NUMB: variants seen among roughly 807,000 people sequenced by gnomAD.
NUMB encodes the protein NUMB endocytic adaptor protein.
NUMB carries 29 observed loss-of-function variants against 59.7 expected under a neutral mutation model. The ratio of observed to expected loss-of-function variants is 0.49; its 90% CI spans 0.36 to 0.66. The LOEUF (loss-of-function observed/expected upper bound fraction) is 0.66, where lower values mean the gene tolerates loss of function less well. NUMB is among the 30% of genes least tolerant of loss of function. The pLI, the probability that NUMB is intolerant of heterozygous loss-of-function variation, is 0.00. For synonymous variants in NUMB, 288 were observed against 288.2 expected (o/e 1.00, Z 0.01); for missense variants, 723 against 822.0 (o/e 0.88, Z 1.47).
intron 1 of NUMB, among the ~76,000 whole-genome samples, chr14:73,411,603 A>G (rs1242265608): frequency 3.3e-5 from 5 of 152,252 alleles, no homozygotes; most frequent in Non-Finnish European, 7.3e-5. Context: ...GCTGAAGGTC[A>G]TAACTAAGTT....
At chr14:73,418,597 C>A (rs1488010064) in intron 1 of NUMB, among the ~76,000 whole-genome samples, 2 of 151,874 alleles carry the variant, frequency 1.3e-5, no homozygotes. Flanking sequence ...CATGGAGAAA[C>A]CCCGTCTCTA....
chr14:73,286,549 C>A (rs1889015448), intron 9 of NUMB: 1 of 154,816 alleles, frequency 6.5e-6, no homozygotes, highest in Non-Finnish European at 1.4e-5. Flanking sequence ...AAATAAAACT[C>A]ACACTCTATA....
At chr14:73,435,335 G>A (rs1369732074) in intron 1 of NUMB, among the ~76,000 whole-genome samples, 1 of 147,334 alleles carries the variant, frequency 6.8e-6, no homozygotes, top group Non-Finnish European at 1.5e-5. Context: ...GTGCAGTGGC[G>A]CGATCTCGAC....
At chr14:73,429,091 G>A (rs1271598701) in intron 1 of NUMB, among the ~76,000 whole-genome samples, 3 of 152,170 alleles carry the variant, frequency 2.0e-5, no homozygotes, top group African/African-American at 4.8e-5. Flanking sequence ...TTCCCTAGGG[G>A]CCGGGCACAG....
At chr14:73,311,236 A>C (rs1316917737) in intron 6 of NUMB, among the ~76,000 whole-genome samples, 1 of 151,944 alleles carries the variant, frequency 6.6e-6, no homozygotes, top group African/African-American at 2.4e-5. Context: ...TTGTATTTTT[A>C]GTAGAGACGG....
chr14:73,360,723 G>C (rs1270905176), intron 3 of NUMB, among the ~76,000 whole-genome samples: 1 of 152,022 alleles, frequency 6.6e-6, no homozygotes, highest in African/African-American at 2.4e-5. Flanking sequence ...CCCTTCAACA[G>C]TACATTGGTC....
At chr14:73,415,333 C>T (rs1897081291) in intron 1 of NUMB, among the ~76,000 whole-genome samples, 2 of 152,070 alleles carry the variant, frequency 1.3e-5, no homozygotes, top group South Asian at 4.1e-4. Context: ...GTGAAAACAC[C>T]TTACATGTTA....
intron 4 of NUMB, among the ~76,000 whole-genome samples, chr14:73,350,545 ACTTTTTTTT>A (rs1179019152): frequency 6.8e-6 from 1 of 146,408 alleles, no homozygotes; most frequent in African/African-American, 2.5e-5. Context: ...ACCTTTACCT[ACTTTTTTTT>A]CTTTTTTTTT....
intron 1 of NUMB, among the ~76,000 whole-genome samples, chr14:73,413,141 G>A (rs1896969247): frequency 6.6e-6 from 1 of 151,560 alleles, no homozygotes; most frequent in South Asian, 2.1e-4. Context: ...CTGGAGTGCA[G>A]TGGCGTGATC....
chr14:73,395,341 G>A (rs891193770), intron 2 of NUMB, among the ~76,000 whole-genome samples: 1 of 151,974 alleles, frequency 6.6e-6, no homozygotes, highest in African/African-American at 2.4e-5. Flanking sequence ...AGGGGTGGTG[G>A]GCTGGGCGTG....
intron 2 of NUMB, among the ~76,000 whole-genome samples, chr14:73,404,114 T>C (rs1896547873): frequency 2.0e-5 from 3 of 150,030 alleles, no homozygotes; most frequent in Admixed American, 1.3e-4. Flanking sequence ...TGGTGGCGCA[T>C]GTCTGTCATC....
chr14:73,337,063 C>G (rs1226479813), intron 4 of NUMB, among the ~76,000 whole-genome samples: 1 of 150,750 alleles, frequency 6.6e-6, no homozygotes, highest in Non-Finnish European at 1.5e-5. Flanking sequence ...GAAACCCTAT[C>G]TCTACAAAAT....
intron 2 of NUMB, among the ~76,000 whole-genome samples, chr14:73,394,443 T>C (rs1896021117): frequency 6.7e-6 from 1 of 149,198 alleles, no homozygotes; most frequent in Non-Finnish European, 1.5e-5. Context: ...ATTGTCTCAC[T>C]CTGTTGCCCA....
chr14:73,297,409 T>G, intron 6 of NUMB, 124 bp from the exon 7 acceptor site: 1 of 634,616 alleles, frequency 1.6e-6, no homozygotes, highest in Non-Finnish European at 2.8e-6. Context: ...GAGTCCAAGT[T>G]CAGGAGTGGT....
In NUMB at chr14:73,355,725, C is replaced by T; in HGVS notation, c.27G>A (p.Arg9=). ...CTGGAACATAAACATCCTTCTTTCT[C>T]CTAAAACTTTGCCGTAATTTGTTCA... The part of the protein sequence containing the change: MNKLRQSF[R]RKKDVYVPEA... The change falls in exon 4 of 13, where the codon AGG becomes AGA. Residue 9 remains arginine, a synonymous_variant. Transcript: ENST00000555238. The T allele has an allele frequency of 6.2e-7, 1 of 1,613,112 alleles. No individual in the cohort carries two copies. The highest frequency in any genetic ancestry group is 8.5e-7 in the Non-Finnish European group (1 of 1,179,304).
chr14:73,398,189 A>G (rs1470254239), intron 2 of NUMB, among the ~76,000 whole-genome samples: 1 of 152,210 alleles, frequency 6.6e-6, no homozygotes, highest in Non-Finnish European at 1.5e-5. Flanking sequence ...AAAAATCAAA[A>G]ATAGCTTAAA....
chr14:73,318,791 A>G (rs891454355), intron 5 of NUMB, among the ~76,000 whole-genome samples: 10 of 152,346 alleles, frequency 6.6e-5, no homozygotes, highest in Non-Finnish European at 1.0e-4. Context: ...TAAAAAATTA[A>G]CATATTTATG....
chr14:73,421,715 G>C (rs1414350436), intron 1 of NUMB, among the ~76,000 whole-genome samples: 1 of 152,052 alleles, frequency 6.6e-6, no homozygotes, highest in Non-Finnish European at 1.5e-5. Flanking sequence ...GTAAAGTTCT[G>C]AACAAAACAA....
chr14:73,416,315 C>T (rs1175432654), intron 1 of NUMB, among the ~76,000 whole-genome samples: 1 of 148,382 alleles, frequency 6.7e-6, no homozygotes, highest in Non-Finnish European at 1.5e-5. Context: ...ACAGTAAATA[C>T]TCTTACTTTT....
Sources: gnomAD v4.1 joint callset for allele counts (sites outside exome capture counted in the v4.1 genomes callset) on GRCh38, gnomAD v4.1.1 for gene constraint, MANE v1.5 for transcripts, NCBI Gene and HGNC (gene_info 2026-07-23, HGNC 2026-07-21) for gene names.